Variants in PCDHA4 observed in about 807,000 individuals in gnomAD.
The protein encoded by PCDHA4 is protocadherin alpha-4.
In PCDHA4, 49 loss-of-function variants were observed where a neutral mutation model predicts 61.4. The observed-to-expected ratio is 0.80, with a 90% CI of 0.63 to 1.01. PCDHA4 has a LOEUF of 1.01. PCDHA4 is among the 50% of genes least tolerant of loss of function. PCDHA4 has a pLI of 0.00. For missense variants in PCDHA4, 1,254 were observed against 1,235.8 expected, an observed-to-expected ratio of 1.01 and a Z score of -0.22; for synonymous variants, 590 against 550.3, an observed-to-expected ratio of 1.07 and a Z score of -1.01.
chr5:140,918,579 G>A (rs1396239560), intron 1 of PCDHA4, among the ~76,000 whole-genome samples: 1 of 152,112 alleles, frequency 6.6e-6, no homozygotes, highest in Admixed American at 6.5e-5. Flanking sequence ...GCTGCTATTG[G>A]CTATATGTTC....
At chr5:140,830,418 T>C in intron 1 of PCDHA4, 3 of 1,614,030 alleles carry the variant, frequency 1.9e-6, no homozygotes, top group Non-Finnish European at 2.5e-6. Flanking sequence ...AGCCCCAGCC[T>C]TTCACCTTGT....
intron 3 of PCDHA4, among the ~76,000 whole-genome samples, chr5:140,985,392 C>T (rs1329580146): frequency 6.6e-6 from 1 of 152,172 alleles, no homozygotes; most frequent in Non-Finnish European, 1.5e-5. Context: ...CCAGTCACCC[C>T]AACTGTTCCC....
rs971447494 is a variant in PCDHA4, at chr5:140,855,570, A to G, written c.2385+45998A>G. 1.4e-4 allele frequency among the ~76,000 whole-genome samples: 21 copies of G among 149,936 alleles called. 2 individuals carry two copies. Among genetic ancestry groups the G allele is most frequent in the African/African-American group, 5.1e-4 (21 of 40,914 alleles). ...GAACTTAAATGGAACTAAAGTTGTCATTTAATAAAATATTAGTATACTCAG... is the reference window on the plus strand; with the variant it reads ...GAACTTAAATGGAACTAAAGTTGTCGTTTAATAAAATATTAGTATACTCAG... On this transcript the variant is annotated intron_variant, in intron 1 of 3. Transcript: ENST00000530339.
chr5:140,909,491 A>G (rs1031839388), intron 1 of PCDHA4, among the ~76,000 whole-genome samples: 5 of 152,218 alleles, frequency 3.3e-5, no homozygotes, highest in Non-Finnish European at 7.3e-5. Context: ...GGAGAGCTGA[A>G]CGGGGATGTG....
chr5:140,927,099 T>C (rs782352775), intron 1 of PCDHA4: 1 of 1,613,434 alleles, frequency 6.2e-7, no homozygotes, highest in Non-Finnish European at 8.5e-7. Context: ...TCGGGGTGGA[T>C]CTACCCAGCG....
chr5:140,824,626 T>TTTTTTTTTTG (rs1768277124), intron 1 of PCDHA4: 3 of 133,454 alleles, frequency 2.2e-5, no homozygotes, highest in African/African-American at 3.2e-5. Flanking sequence ...TTTTTTTTTT[T>TTTTTTTTTTG]TTTTTTATTT....
intron 1 of PCDHA4, among the ~76,000 whole-genome samples, chr5:140,896,034 C>T (rs2065325543): frequency 6.6e-6 from 1 of 152,192 alleles, no homozygotes; most frequent in South Asian, 2.1e-4. Flanking sequence ...TGGTCTCGAA[C>T]TCCTGACCTC....
At chr5:140,832,321 C>T (rs1475478969) in intron 1 of PCDHA4, among the ~76,000 whole-genome samples, 2 of 152,258 alleles carry the variant, frequency 1.3e-5, no homozygotes, top group Middle Eastern at 3.4e-3. Flanking sequence ...GCTTAAGGGC[C>T]ATTAGAGGAC....
intron 1 of PCDHA4, chr5:140,870,176 TACGAGAGG>T: frequency 6.2e-7 from 1 of 1,614,126 alleles, no homozygotes; most frequent in Non-Finnish European, 8.5e-7. Flanking sequence ...TCCCTCCCAG[TACGAGAGG>T]ACGCTCAGCC....
chr5:140,877,228 G>A, intron 1 of PCDHA4: 2 of 1,613,700 alleles, frequency 1.2e-6, no homozygotes, highest in Non-Finnish European at 1.7e-6. Context: ...GCGGTCGGTG[G>A]GTGCGGGCCA....
At chr5:140,870,239 G>C (rs781847723) in intron 1 of PCDHA4, 6 of 1,614,134 alleles carry the variant, frequency 3.7e-6, no homozygotes, top group Non-Finnish European at 4.2e-6. Flanking sequence ...CGTGACTCAG[G>C]TGTCAACGGA....
At position 140,881,209 on chromosome 5, in the gene PCDHA4, G is replaced by C. The variant is rs74494049; in HGVS notation, c.2385+71637G>C. The C allele has an allele frequency of 3.6e-3, 703 of 194,982 alleles. 1 individual carries two copies. The highest frequency in any genetic ancestry group is 0.016 in the African/African-American group (679 of 42,430). 12.1% of individuals were successfully genotyped at this position (194,982 alleles called of 1,614,324 possible). On this transcript the variant is annotated intron_variant, in intron 1 of 3. Transcript: ENST00000530339. Reference sequence around the variant, plus strand: ...GATATGTTAACATCTTTGTCTAGCTGTTGTTTCTTGGAAAATTAAAGTCAA... The same window carrying C: ...GATATGTTAACATCTTTGTCTAGCTCTTGTTTCTTGGAAAATTAAAGTCAA...
At chr5:140,848,787 C>T in intron 1 of PCDHA4, 2 of 1,592,990 alleles carry the variant, frequency 1.3e-6, no homozygotes, top group Non-Finnish European at 1.7e-6. Context: ...GCTGTGCGGG[C>T]GGAGCGCGGA....
At chr5:140,980,448 G>A (rs1333028932) in intron 2 of PCDHA4, among the ~76,000 whole-genome samples, 7 of 152,122 alleles carry the variant, frequency 4.6e-5, no homozygotes, top group African/African-American at 9.7e-5. Flanking sequence ...TGGACAACAC[G>A]GTGAAACCCT....
chr5:140,836,955 A>G (rs1227773080), intron 1 of PCDHA4: 1 of 420,702 alleles, frequency 2.4e-6, no homozygotes, highest in Non-Finnish European at 4.1e-6. Flanking sequence ...TCTATGGTTT[A>G]TGTTGGCTAC....
chr5:140,914,755 T>G (rs1175753765), intron 1 of PCDHA4, among the ~76,000 whole-genome samples: 1 of 152,270 alleles, frequency 6.6e-6, no homozygotes, highest in East Asian at 1.9e-4. Flanking sequence ...CCATTTGAGG[T>G]TACATGAGGT....
At chr5:140,882,262 G>GTGTA (rs781901698) in intron 1 of PCDHA4, 2 of 1,605,126 alleles carry the variant, frequency 1.2e-6, no homozygotes, top group Non-Finnish European at 1.7e-6. Context: ...GGTTTTTGGA[G>GTGTA]TGTACCATGC....
chr5:140,897,964 T>A (rs1554187709), intron 1 of PCDHA4, among the ~76,000 whole-genome samples: 1 of 152,236 alleles, frequency 6.6e-6, no homozygotes, highest in South Asian at 2.1e-4. Flanking sequence ...TTTTCATGTG[T>A]CTTTTGGCTG....
chr5:140,911,378 C>T lies in PCDHA4; in HGVS notation c.2386-67571C>T, dbSNP rs184939316. On this transcript the variant is annotated intron_variant, in intron 1 of 3. Transcript: ENST00000530339. ...ACAGTAGACACCTGGCAAGGCTGTG[C>T]ATGCACCTTTCATTGCAGGTCAGCC... Among the ~76,000 whole-genome samples the T allele has an allele frequency of 8.0e-3, 1,215 of 152,282 alleles. 6 individuals carry two copies. The highest frequency in any genetic ancestry group is 0.019 in the African/African-American group (783 of 41,542).
Sources: gnomAD v4.1 joint callset for allele counts (sites outside exome capture counted in the v4.1 genomes callset) on GRCh38, gnomAD v4.1.1 for gene constraint, MANE v1.5 for transcripts, NCBI Gene and HGNC (gene_info 2026-07-23, HGNC 2026-07-21) for gene names.